Variants in CLNK observed in about 807,000 individuals in gnomAD.
CLNK encodes the protein cytokine-dependent hematopoietic cell linker.
In CLNK, 74 loss-of-function variants were observed where a neutral mutation model predicts 68.6. The observed-to-expected ratio is 1.08, with a 90% confidence interval of 0.89 to 1.31. The LOEUF (loss-of-function observed/expected upper bound fraction) is 1.31. CLNK is among the 50% of genes most tolerant of loss of function. CLNK has a pLI of 0.00. For missense variants in CLNK, 553 were observed against 515.3 expected, an observed-to-expected ratio of 1.07 and a Z score of -0.71; for synonymous variants, 198 against 172.2, an observed-to-expected ratio of 1.15 and a Z score of -1.17.
rs1718120903 is a variant in CLNK, at chr4:10,522,525, G to A, written c.732-1694C>T. 3.0e-5 allele frequency among the ~76,000 whole-genome samples: 4 copies of A among 133,188 alleles called. 1 individual carries two copies. In the Admixed American group the frequency reaches 3.5e-4, roughly 12 times the overall value. 87.4% of individuals were successfully genotyped at this position (133,188 alleles called of 152,430 possible). On this transcript the variant is annotated intron_variant, in intron 14 of 18. Transcript: ENST00000226951. ...GGAGGTGGAGGTTGCAGTGAGCCGAGATCGTACCACTGCACCCCAGCCTGG... is the reference window on the plus strand; with the variant it reads ...GGAGGTGGAGGTTGCAGTGAGCCGAAATCGTACCACTGCACCCCAGCCTGG...
At chr4:10,725,363 T>C in the CLNK span, among the ~76,000 whole-genome samples, 36 of 152,202 alleles carry the variant, frequency 2.4e-4, no homozygotes, top group African/African-American at 8.7e-4. Flanking sequence ...TTCATTTGGG[T>C]GGAGTGTGAA....
chr4:10,562,438 G>A (rs778941761), intron 7 of CLNK, among the ~76,000 whole-genome samples: 92 of 151,566 alleles, frequency 6.1e-4, no homozygotes, highest in Non-Finnish European at 1.1e-3. Context: ...ATGCAGTCTC[G>A]CTTGGTCACC....
chr4:10,506,831 G>T (rs754873245), intron 17 of CLNK, among the ~76,000 whole-genome samples: 1 of 151,978 alleles, frequency 6.6e-6, no homozygotes, highest in African/African-American at 2.4e-5. Context: ...AAAGAGTCTC[G>T]CTCTGTCGCC....
intron 2 of CLNK, among the ~76,000 whole-genome samples, chr4:10,630,007 G>C (rs1430599801): frequency 2.0e-5 from 3 of 152,102 alleles, no homozygotes; most frequent in African/African-American, 7.2e-5. Context: ...TGGTGTTTGG[G>C]GACCACGGCA....
chr4:10,517,633 TA>T (rs1717887578), intron 15 of CLNK, among the ~76,000 whole-genome samples: 1 of 152,200 alleles, frequency 6.6e-6, no homozygotes, highest in Non-Finnish European at 1.5e-5. Context: ...GAAGGGAAAA[TA>T]ACCATTTTCG....
At chr4:10,519,264 G>T (rs988058809) in intron 15 of CLNK, among the ~76,000 whole-genome samples, 7 of 152,052 alleles carry the variant, frequency 4.6e-5, no homozygotes, top group African/African-American at 1.4e-4. Context: ...ATCTGTGAAG[G>T]CCATTTCCAT....
intron 3 of CLNK, among the ~76,000 whole-genome samples, chr4:10,592,274 T>TATC (rs1201622712): frequency 2.0e-5 from 3 of 152,212 alleles, no homozygotes; most frequent in African/African-American, 7.2e-5. Context: ...TCCTATAAGC[T>TATC]ATCAATCAGT....
chr4:10,510,917 C>CCAAGG (rs1201101398), intron 16 of CLNK, among the ~76,000 whole-genome samples: 1 of 152,182 alleles, frequency 6.6e-6, no homozygotes, highest in African/African-American at 2.4e-5. Context: ...CTTTGGGAGG[C>CCAAGG]CAAGGCAGGT....
the CLNK span, among the ~76,000 whole-genome samples, chr4:10,696,382 T>C: frequency 6.6e-6 from 1 of 152,190 alleles, no homozygotes; most frequent in African/African-American, 2.4e-5. Context: ...GCACCCAGCC[T>C]GATGTCTACG....
chr4:10,691,452 C>T, the CLNK span, among the ~76,000 whole-genome samples: 1 of 152,148 alleles, frequency 6.6e-6, no homozygotes, highest in Non-Finnish European at 1.5e-5. Context: ...GGGAAAAGAA[C>T]CAAGACAGAG....
intron 16 of CLNK, among the ~76,000 whole-genome samples, chr4:10,508,846 T>TAC (rs1491330791): frequency 2.1e-3 from 325 of 151,994 alleles, no homozygotes; most frequent in African/African-American, 7.2e-3. Context: ...GGTGGCTCAA[T>TAC]GCCTGTAATC....
intron 2 of CLNK, among the ~76,000 whole-genome samples, chr4:10,659,337 A>G (rs139469521): frequency 1.3e-5 from 2 of 152,374 alleles, no homozygotes; most frequent in Non-Finnish European, 2.9e-5. Flanking sequence ...CACACACTGT[A>G]TACATTAAGT....
chr4:10,625,996 G>A lies in CLNK; in HGVS notation c.12-27947C>T, dbSNP rs551192534. Among the ~76,000 whole-genome samples the A allele has an allele frequency of 3.9e-5, 6 of 152,360 alleles. No homozygotes were observed. In the South Asian group the frequency reaches 1.2e-3, roughly 32 times the overall value. ...TTAACCTTCACAGAAACATTCGTGT[G>A]TGGAAATGATTCCCACCTTTAAGGT... is the stretch of plus-strand genomic sequence containing the variant. On this transcript the variant is annotated intron_variant, in intron 2 of 18. Coordinates refer to ENST00000226951, the MANE Select transcript of CLNK (RefSeq NM_052964.4).
At chr4:10,589,287 G>T (rs897548718) in intron 3 of CLNK, among the ~76,000 whole-genome samples, 1 of 152,156 alleles carries the variant, frequency 6.6e-6, no homozygotes, top group Non-Finnish European at 1.5e-5. Flanking sequence ...GCTGGGATTT[G>T]TCCGAGTCCC....
At chr4:10,602,488 G>T (rs182483827) in intron 2 of CLNK, among the ~76,000 whole-genome samples, 1 of 152,174 alleles carries the variant, frequency 6.6e-6, no homozygotes, top group African/African-American at 2.4e-5. Context: ...TGAAGATGGC[G>T]GAGATTGGAG....
the CLNK span, among the ~76,000 whole-genome samples, chr4:10,734,805 G>A: frequency 6.6e-6 from 1 of 152,128 alleles, no homozygotes; most frequent in African/African-American, 2.4e-5. Context: ...CTACCCACGG[G>A]GACATGAAGT....
intron 1 of CLNK, among the ~76,000 whole-genome samples, chr4:10,670,720 A>T (rs528619267): frequency 7.9e-5 from 12 of 151,314 alleles, no homozygotes; most frequent in African/African-American, 2.2e-4. Flanking sequence ...TTAAAAAAAA[A>T]TACAATCCAT....
At chr4:10,565,335 A>G (rs4355385) in intron 6 of CLNK, among the ~76,000 whole-genome samples, 6,223 of 152,300 alleles carry the variant, frequency 0.041, 193 homozygotes, top group Middle Eastern at 0.099. Context: ...ACTTTCTCCA[A>G]ATACACTTCT....
At chr4:10,566,240 C>T (rs563040047) in intron 5 of CLNK, 90 bp from the exon 6 acceptor site, 29 of 1,230,948 alleles carry the variant, frequency 2.4e-5, no homozygotes, top group Non-Finnish European at 2.6e-5. Flanking sequence ...ATGGGGTAGA[C>T]CTTCTTAGCT....
Sources: gnomAD v4.1 joint callset for allele counts (sites outside exome capture counted in the v4.1 genomes callset) on GRCh38, gnomAD v4.1.1 for gene constraint, MANE v1.5 for transcripts, NCBI Gene and HGNC (gene_info 2026-07-23, HGNC 2026-07-21) for gene names.